KHDRBS2: variants seen among roughly 807,000 people sequenced by gnomAD.
KHDRBS2 encodes the protein KH domain-containing, RNA-binding, signal transduction-associated protein 2.
KHDRBS2 carries 26 observed loss-of-function variants against 44.3 expected under a neutral mutation model. The observed-to-expected ratio is 0.59, with a 90% CI of 0.43 to 0.81. KHDRBS2 has a LOEUF of 0.81. KHDRBS2 is among the 40% of genes least tolerant of loss of function. The pLI, the probability that KHDRBS2 is intolerant of heterozygous loss-of-function variation, is 0.00. For synonymous variants in KHDRBS2, 194 were observed against 151.1 expected (o/e 1.28, Z -2.08); for missense variants, 476 against 433.1 (o/e 1.10, Z -0.88).
intron 6 of KHDRBS2, among the ~76,000 whole-genome samples, chr6:61,867,853 T>C (rs1254040547): frequency 6.6e-6 from 1 of 152,014 alleles, no homozygotes; most frequent in Non-Finnish European, 1.5e-5. Context: ...TACTGACTGG[T>C]TGCCAGCCCA....
intron 6 of KHDRBS2, among the ~76,000 whole-genome samples, chr6:61,851,714 T>C (rs1795447753): frequency 6.6e-6 from 1 of 152,198 alleles, no homozygotes; most frequent in Non-Finnish European, 1.5e-5. Flanking sequence ...CTGTTGTTTA[T>C]AGCACCCATT....
intron 3 of KHDRBS2, among the ~76,000 whole-genome samples, chr6:62,020,871 A>T (rs1427032334): frequency 1.3e-5 from 2 of 152,080 alleles, no homozygotes; most frequent in East Asian, 3.9e-4. Flanking sequence ...CGGCTATCCC[A>T]TTACTGGATA....
intron 6 of KHDRBS2, among the ~76,000 whole-genome samples, chr6:61,782,732 T>C (rs1174450616): frequency 1.7e-4 from 17 of 99,616 alleles, no homozygotes; most frequent in Admixed American, 3.3e-4. Flanking sequence ...TATATATATA[T>C]ATATATACAC....
At chr6:61,782,738 T>TATATAC (rs1554206170) in intron 6 of KHDRBS2, among the ~76,000 whole-genome samples, 6 of 117,882 alleles carry the variant, frequency 5.1e-5, no homozygotes, top group African/African-American at 1.5e-4. Context: ...TATATATATA[T>TATATAC]ACACACACAC....
chr6:61,842,275 A>G (rs1448277189), intron 6 of KHDRBS2, among the ~76,000 whole-genome samples: 2 of 152,194 alleles, frequency 1.3e-5, no homozygotes, highest in Non-Finnish European at 2.9e-5. Flanking sequence ...AGTGACATAC[A>G]TACTGAAGAG....
At chr6:61,848,330 C>T (rs1192015) in intron 6 of KHDRBS2, among the ~76,000 whole-genome samples, 86,976 of 147,848 alleles carry the variant, frequency 0.59, 25,813 homozygotes, top group South Asian at 0.68. Flanking sequence ...GCTTGAAATA[C>T]CTGTAGAAAA....
At chr6:61,822,751 C>T (rs1177648618) in intron 6 of KHDRBS2, among the ~76,000 whole-genome samples, 1 of 151,988 alleles carries the variant, frequency 6.6e-6, no homozygotes, top group Non-Finnish European at 1.5e-5. Flanking sequence ...TACAAACAAG[C>T]TCTCTCCTTC....
chr6:62,102,947 T>A (rs897453372), intron 2 of KHDRBS2, among the ~76,000 whole-genome samples: 56 of 152,290 alleles, frequency 3.7e-4, no homozygotes, highest in Admixed American at 3.2e-3. Context: ...AGGAACTTTA[T>A]TGAGCGACAC....
the KHDRBS2 span, among the ~76,000 whole-genome samples, chr6:61,642,702 A>G: frequency 4.6e-5 from 7 of 151,994 alleles, no homozygotes. Context: ...TAAAAATTAT[A>G]AGTTGCATTT....
chr6:62,021,432 T>C (rs1254074200), intron 3 of KHDRBS2, among the ~76,000 whole-genome samples: 1 of 151,828 alleles, frequency 6.6e-6, no homozygotes, highest in Non-Finnish European at 1.5e-5. Context: ...AAAATAAAAA[T>C]GTGTGTTTCT....
chr6:61,943,448 G>A (rs565314502), intron 4 of KHDRBS2, among the ~76,000 whole-genome samples: 8 of 151,752 alleles, frequency 5.3e-5, no homozygotes, highest in East Asian at 3.9e-4. Context: ...AGAAAACAAC[G>A]AGCAATATGA....
At chr6:61,800,107 C>T (rs565185728) in intron 6 of KHDRBS2, among the ~76,000 whole-genome samples, 8 of 152,096 alleles carry the variant, frequency 5.3e-5, no homozygotes, top group Admixed American at 2.0e-4. Flanking sequence ...ATTGTAATAC[C>T]ACCACTTGGA....
chr6:62,240,946 T>G (rs1367755782), intron 1 of KHDRBS2, among the ~76,000 whole-genome samples: 1 of 151,722 alleles, frequency 6.6e-6, no homozygotes, highest in East Asian at 1.9e-4. Context: ...TGCAGTTCCT[T>G]TTGCGTTTAA....
intron 1 of KHDRBS2, among the ~76,000 whole-genome samples, chr6:62,223,362 C>T (rs1332558452): frequency 6.6e-6 from 1 of 152,186 alleles, no homozygotes; most frequent in Non-Finnish European, 1.5e-5. Flanking sequence ...AGGCTGCACA[C>T]AGGTTGGGGA....
intron 5 of KHDRBS2, among the ~76,000 whole-genome samples, chr6:61,897,731 C>CTT (rs1803187156): frequency 6.6e-6 from 1 of 151,652 alleles, no homozygotes; most frequent in Non-Finnish European, 1.5e-5. Flanking sequence ...CTCTCTCTCT[C>CTT]TCTCAATCAC....
the KHDRBS2 span, among the ~76,000 whole-genome samples, chr6:61,544,394 G>A: frequency 6.6e-6 from 1 of 151,838 alleles, no homozygotes; most frequent in Non-Finnish European, 1.5e-5. Context: ...AAAAGTTGAG[G>A]GCTTTTTGTA....
intron 2 of KHDRBS2, among the ~76,000 whole-genome samples, chr6:62,132,695 G>A (rs1810607025): frequency 6.6e-6 from 1 of 152,132 alleles, no homozygotes; most frequent in Non-Finnish European, 1.5e-5. Context: ...TTTCCTGAAA[G>A]ATGCTTAGTA....
At chr6:61,712,260 C>T (rs1006220531) in intron 7 of KHDRBS2, among the ~76,000 whole-genome samples, 1 of 151,866 alleles carries the variant, frequency 6.6e-6, no homozygotes, top group African/African-American at 2.4e-5. Flanking sequence ...AAAAATCACA[C>T]AGCAAAGGTC....
At chr6:62,137,817 G>C (rs920708927) in intron 2 of KHDRBS2, among the ~76,000 whole-genome samples, 4 of 152,058 alleles carry the variant, frequency 2.6e-5, no homozygotes, top group African/African-American at 9.7e-5. Flanking sequence ...ACTTTGATTT[G>C]AGTTTTCATA....
Sources: allele counts gnomAD v4.1 joint callset (sites outside exome capture counted in the v4.1 genomes callset), GRCh38; gene constraint gnomAD v4.1.1; transcripts MANE v1.5; gene names NCBI Gene and HGNC (gene_info 2026-07-23, HGNC 2026-07-21).